The following IL31RA variants were observed in gnomAD, a reference collection of about 807,000 sequenced individuals.
IL31RA encodes the protein interleukin-31 receptor subunit alpha.
A neutral mutation model predicts 83.7 loss-of-function variants in IL31RA; 66 were observed. That is an observed-to-expected ratio of 0.79 (90% confidence interval 0.65 to 0.97). IL31RA has a LOEUF of 0.97. IL31RA is among the 50% of genes least tolerant of loss of function. The probability of loss-of-function intolerance (pLI) is 0.00; values close to 1 mark genes in which losing one functional copy is unlikely to be tolerated. For missense variants in IL31RA, 798 were observed against 919.4 expected (o/e 0.87, Z 1.71); for synonymous variants, 325 against 329.0 (o/e 0.99, Z 0.13).
chr5:55,913,384 G>A, intron 12 of IL31RA, 93 bp from the exon 13 acceptor site: 1 of 821,924 alleles, frequency 1.2e-6, no homozygotes, highest in Non-Finnish European at 2.1e-6. Context: ...AAGACATTGT[G>A]TTGCTGAAGC....
At chr5:55,842,892 C>T in the IL31RA span, among the ~76,000 whole-genome samples, 1 of 152,180 alleles carries the variant, frequency 6.6e-6, no homozygotes, top group African/African-American at 2.4e-5. Flanking sequence ...CCATTCCAGC[C>T]AGTTTCGTCT....
At chr5:55,909,433 T>C (rs1199847987) in intron 11 of IL31RA, among the ~76,000 whole-genome samples, 1 of 152,206 alleles carries the variant, frequency 6.6e-6, no homozygotes, top group East Asian at 1.9e-4. Flanking sequence ...TACCTAGAAG[T>C]TGAATTGCTG....
At chr5:55,863,081 C>T (rs754130898) in intron 2 of IL31RA, among the ~76,000 whole-genome samples, 5 of 152,204 alleles carry the variant, frequency 3.3e-5, no homozygotes, top group Admixed American at 6.5e-5. Context: ...TGTGGAATCA[C>T]TCCAGATAAC....
chr5:55,853,294 G>GTGTTTT, intron 1 of IL31RA: 2 of 1,210,154 alleles, frequency 1.7e-6, no homozygotes, highest in Non-Finnish European at 2.1e-6. Context: ...GTAGAGTTGA[G>GTGTTTT]TGTTTTTGTT....
intron 13 of IL31RA, 79 bp from the exon 14 acceptor site, chr5:55,914,768 C>T: frequency 4.9e-6 from 5 of 1,011,870 alleles, no homozygotes; most frequent in Non-Finnish European, 7.9e-6. Context: ...TTTAGCACAG[C>T]CTCACTCTTT....
In IL31RA at chr5:55,899,884, T is replaced by G. The variant is rs748959132; in HGVS notation, c.853-32T>G. On this transcript the variant is annotated intron_variant, in intron 7 of 14. Coordinates refer to ENST00000652347, the MANE Select transcript of IL31RA (RefSeq NM_139017.7). The stretch of plus-strand genomic sequence containing the variant: ...TCAATGCCTTTCTTTTTCTTTGTTA[T>G]TGGCAATAAATTTTGTTTTCTTTGG... 7 of 1,511,760 alleles carry G rather than the reference T, an allele frequency of 4.6e-6. No individual in the cohort carries two copies. The South Asian group carries it at 7.9e-5, about 17-fold the overall frequency. 93.6% of individuals were successfully genotyped at this position (1,511,760 alleles called of 1,614,324 possible).
chr5:55,856,015 G>A (rs1166671156), intron 1 of IL31RA, among the ~76,000 whole-genome samples: 2 of 152,206 alleles, frequency 1.3e-5, no homozygotes, highest in African/African-American at 4.8e-5. Flanking sequence ...TCCTGCCTTA[G>A]CCTCCTGAGT....
intron 12 of IL31RA, among the ~76,000 whole-genome samples, chr5:55,912,551 C>G (rs1375268487): frequency 6.6e-6 from 1 of 152,232 alleles, no homozygotes. Flanking sequence ...AACTCCAGCA[C>G]TTTGGGAGGC....
chr5:55,907,827 TTATG>T (rs762893433), intron 10 of IL31RA, among the ~76,000 whole-genome samples: 8 of 152,222 alleles, frequency 5.3e-5, no homozygotes, highest in Non-Finnish European at 1.0e-4. Flanking sequence ...TTATTTTTAA[TTATG>T]TAGCAATAAG....
intron 5 of IL31RA, among the ~76,000 whole-genome samples, chr5:55,888,698 G>T (rs1035304486): frequency 5.9e-5 from 9 of 152,082 alleles, no homozygotes; most frequent in Non-Finnish European, 8.8e-5. Context: ...CTAACAACAG[G>T]CTGTCTCAAG....
In IL31RA at chr5:55,889,982, T is replaced by C; in HGVS notation, c.619T>C (p.Phe207Leu). Reference sequence around the variant, plus strand: ...CTCTGTCTTGTAGATGGAAGTCAACTTCGCTAAGAACCGTAAGGATAAAAA... The same window carrying C: ...CTCTGTCTTGTAGATGGAAGTCAACCTCGCTAAGAACCGTAAGGATAAAAA... The part of the protein sequence containing the change: ...VNSTSWMEVN[F>L]AKNRKDKNQT... Residue 207 changes from phenylalanine (F) to leucine (L), a missense_variant, in exon 6 of 15, where the codon TTC becomes CTC. Physicochemically the swap from Phe to Leu is conservative, Grantham distance 22. Transcript: ENST00000652347. The C allele has an allele frequency of 6.2e-7, 1 of 1,614,148 alleles. No homozygotes were observed. The highest frequency in any genetic ancestry group is 8.5e-7 in the Non-Finnish European group (1 of 1,179,968).
rs541510838 is a variant in IL31RA at position 55,920,675 on chromosome 5, A to G, written c.*3555A>G. On this transcript the variant is annotated 3_prime_UTR_variant, in exon 15 of 15. Transcript: ENST00000652347. ...CAGACATGAAACTCAGACTGCCACTATGTTTCAACTTTGAATTAGCTGCAA... is the reference window on the plus strand; with the variant it reads ...CAGACATGAAACTCAGACTGCCACTGTGTTTCAACTTTGAATTAGCTGCAA... Among the ~76,000 whole-genome samples the G allele has an allele frequency of 4.6e-5, 7 of 152,326 alleles. No individual in the cohort carries two copies. Among genetic ancestry groups the G allele is most frequent in the African/African-American group, 7.2e-5 (3 of 41,580 alleles).
At chr5:55,887,757 C>T (rs1337691010) in intron 5 of IL31RA, among the ~76,000 whole-genome samples, 1 of 151,990 alleles carries the variant, frequency 6.6e-6, no homozygotes, top group Admixed American at 6.6e-5. Flanking sequence ...TGTTGGCAGG[C>T]ACCTGTAGTC....
chr5:55,857,475 A>C (rs1745429230), intron 1 of IL31RA, among the ~76,000 whole-genome samples: 1 of 152,318 alleles, frequency 6.6e-6, no homozygotes, highest in South Asian at 2.1e-4. Context: ...TGTGGAGGAC[A>C]AGCAAGTATT....
chr5:55,856,515 T>C (rs1045183710), intron 1 of IL31RA, among the ~76,000 whole-genome samples: 1 of 152,250 alleles, frequency 6.6e-6, no homozygotes, highest in African/African-American at 2.4e-5. Flanking sequence ...TTGGGGAGGC[T>C]GATTCACCTC....
chr5:55,885,664 T>G (rs1334937955), intron 5 of IL31RA, among the ~76,000 whole-genome samples: 1 of 152,168 alleles, frequency 6.6e-6, no homozygotes, highest in Non-Finnish European at 1.5e-5. Context: ...GGTCAGAGAT[T>G]CTCTGGGAAC....
chr5:55,896,191 G>A (rs964002105), intron 6 of IL31RA, among the ~76,000 whole-genome samples, 159 bp from the exon 7 acceptor site: 1 of 152,026 alleles, frequency 6.6e-6, no homozygotes, highest in Non-Finnish European at 1.5e-5. Flanking sequence ...ACAAAATGAA[G>A]ACATCTTTGG....
chr5:55,872,407 G>A lies in IL31RA; in HGVS notation c.410G>A (p.Gly137Asp). 1 of 1,610,804 alleles carries A rather than the reference G, an allele frequency of 6.2e-7. No homozygotes were observed. Residue 137 changes from glycine (G) to aspartate (D), a missense_variant, in exon 4 of 15, where the codon GGT becomes GAT. Gly to Asp is a moderately conservative substitution (Grantham distance 94). Transcript: ENST00000652347. ...TIEVEAENGDGVIKSHMTYWR... is the reference protein window; with the variant it reads ...TIEVEAENGDDVIKSHMTYWR... ...GAGGTGGAAGCTGAAAATGGAGATG[G>A]TGTAATTAAATCTCATATGACATAC...
In IL31RA at chr5:55,922,057, G is replaced by GGA. The variant is rs1554020977; in HGVS notation, c.*4938_*4939insAG. Reference sequence around the variant, plus strand: ...GTCTTGCACTCTTATGTTGTGGCGGGGGGGGGGGGCGGTTCCTGAAGAGTG... The same window carrying GGA: ...GTCTTGCACTCTTATGTTGTGGCGGGGAGGGGGGGGGCGGTTCCTGAAGAGTG... On this transcript the variant is annotated 3_prime_UTR_variant, in exon 15 of 15. Transcript: ENST00000652347. 1.8e-5 allele frequency among the ~76,000 whole-genome samples: 1 copy of GGA among 54,816 alleles called. No homozygotes were observed. 36.0% of individuals were successfully genotyped at this position (54,816 alleles called of 152,430 possible). A position where few individuals can be genotyped will look rare whatever the true frequency, so the allele number is the denominator to read the frequency against.
Sources: allele counts gnomAD v4.1 joint callset (sites outside exome capture counted in the v4.1 genomes callset), GRCh38; gene constraint gnomAD v4.1.1; transcripts MANE v1.5; gene names NCBI Gene and HGNC (gene_info 2026-07-23, HGNC 2026-07-21).